Variants in SEC11A observed in about 807,000 individuals in gnomAD.
SEC11A encodes signal peptidase complex catalytic subunit SEC11A.
SEC11A carries 14 observed loss-of-function variants against 25.6 expected under a neutral mutation model. The ratio of observed to expected loss-of-function variants is 0.55; its 90% confidence interval spans 0.36 to 0.85. The LOEUF is 0.85. Among genes scored for constraint, SEC11A ranks in the 40% least tolerant of loss-of-function variants. SEC11A has a pLI of 0.01. For missense variants in SEC11A, 153 were observed against 222.9 expected (o/e 0.69, Z 2.00); for synonymous variants, 83 against 76.4 (o/e 1.09, Z -0.45).
chr15:84,715,931 C>G, intron 1 of SEC11A, 94 bp downstream of exon 1: 1 of 1,199,062 alleles, frequency 8.3e-7, no homozygotes, highest in Non-Finnish European at 1.2e-6. Flanking sequence ...CAGCTCAGAC[C>G]CTCACACCAG....
intron 1 of SEC11A, among the ~76,000 whole-genome samples, chr15:84,695,062 C>G (rs1217668995): frequency 8.1e-6 from 1 of 123,276 alleles, no homozygotes. Context: ...TGCATTCCAG[C>G]CTGGGCGACA....
intron 4 of SEC11A, among the ~76,000 whole-genome samples, chr15:84,674,797 C>A (rs1037029771): frequency 6.6e-6 from 1 of 152,142 alleles, no homozygotes; most frequent in Non-Finnish European, 1.5e-5. Flanking sequence ...TGGGCTCCAG[C>A]GGTTCTCCCA....
chr15:84,691,582 C>A lies in SEC11A; in HGVS notation c.114G>T (p.Gly38=). 6.2e-7 allele frequency: 1 copy of A among 1,613,038 alleles called. No homozygotes were observed. The highest frequency in any genetic ancestry group is 2.2e-5 in the East Asian group (1 of 44,860). Reference sequence around the variant, plus strand: ...TTTCACTTCCAGTTATTACCATTAACCCCTTCCAGATCATTAGTGCCGATG... The same window carrying A: ...TTTCACTTCCAGTTATTACCATTAAACCCTTCCAGATCATTAGTGCCGATG... ...IVSSALMIWK[G]LMVITGSESP... Residue 38 remains glycine, a synonymous_variant, in exon 2 of 6, where the codon GGG becomes GGT. Coordinates refer to ENST00000268220, the MANE Select transcript of SEC11A (RefSeq NM_014300.4).
At chr15:84,691,245 T>C (rs1196988116) in intron 2 of SEC11A, among the ~76,000 whole-genome samples, 1 of 151,952 alleles carries the variant, frequency 6.6e-6, no homozygotes, top group Non-Finnish European at 1.5e-5. Context: ...CGCTAATTTT[T>C]GTATTTTTTG....
chr15:84,708,658 T>C (rs1293518543), intron 1 of SEC11A, among the ~76,000 whole-genome samples: 1 of 151,948 alleles, frequency 6.6e-6, no homozygotes, highest in Non-Finnish European at 1.5e-5. Flanking sequence ...GTACCTGGTG[T>C]ACACCTGTAG....
At chr15:84,695,200 C>T (rs1007061275) in intron 1 of SEC11A, among the ~76,000 whole-genome samples, 5 of 149,860 alleles carry the variant, frequency 3.3e-5, no homozygotes, top group African/African-American at 9.8e-5. Context: ...CGGTGGCTCA[C>T]GCATGTAATC....
rs1897284211 is a variant in SEC11A at position 84,681,570 on chromosome 15, C to T, written c.312-738G>A. On this transcript the variant is annotated intron_variant, in intron 3 of 5. Coordinates refer to ENST00000268220, the MANE Select transcript of SEC11A (RefSeq NM_014300.4). ...ACTTGAACCCAGGAGGCGGAGGTTGCAGTGAGCCGAGATCACGCCACTGCA... is the reference window on the plus strand; with the variant it reads ...ACTTGAACCCAGGAGGCGGAGGTTGTAGTGAGCCGAGATCACGCCACTGCA... Among the ~76,000 whole-genome samples the T allele has an allele frequency of 2.0e-5, 3 of 152,226 alleles. 1 individual carries two copies. The South Asian group carries it at 6.2e-4, about 32-fold the overall frequency.
At chr15:84,675,709 G>A (rs1231767744) in intron 4 of SEC11A, among the ~76,000 whole-genome samples, 1 of 152,056 alleles carries the variant, frequency 6.6e-6, no homozygotes, top group African/African-American at 2.4e-5. Context: ...CTTTTCACCT[G>A]CTGCTTTCTA....
Position 84,695,704 on chromosome 15 carries a change from T to A in SEC11A, c.52-4060A>T, listed in dbSNP as rs142033990. On this transcript the variant is annotated intron_variant, in intron 1 of 5. Transcript: ENST00000268220. ...TTCTATTTTCTCCCTACAATTAACC[T>A]GTTTTTCCTGCATACTTTTTAAAAA... Among the ~76,000 whole-genome samples, 643 of 152,100 alleles carry A rather than the reference T, an allele frequency of 4.2e-3. 4 individuals carry two copies. The highest frequency in any genetic ancestry group is 0.015 in the African/African-American group (624 of 41,558).
At chr15:84,693,733 T>C (rs1897677476) in intron 1 of SEC11A, among the ~76,000 whole-genome samples, 2 of 152,166 alleles carry the variant, frequency 1.3e-5, no homozygotes, top group Non-Finnish European at 2.9e-5. Context: ...AGTGCTGGGA[T>C]GACAGATGTG....
At chr15:84,676,464 ATT>A (rs768514639) in intron 4 of SEC11A, among the ~76,000 whole-genome samples, 47 of 118,938 alleles carry the variant, frequency 4.0e-4, no homozygotes, top group Admixed American at 8.5e-4. Context: ...AAAAAAAAAA[ATT>A]TTTTTTTTTT....
intron 4 of SEC11A, 53 bp downstream of exon 4, chr15:84,680,660 G>A (rs1897263551): frequency 4.0e-6 from 6 of 1,500,038 alleles, no homozygotes; most frequent in Non-Finnish European, 5.4e-6. Context: ...ATGATTGAGA[G>A]GGCCACACTT....
At chr15:84,672,881 G>A (rs1183948345) in intron 4 of SEC11A, 9 of 203,822 alleles carry the variant, frequency 4.4e-5, no homozygotes, top group East Asian at 1.8e-4. Flanking sequence ...CCGCCGCCCC[G>A]TCTGGGATGT....
At chr15:84,679,410 C>G in intron 4 of SEC11A, 1 of 327,532 alleles carries the variant, frequency 3.1e-6, no homozygotes, top group Non-Finnish European at 6.3e-6. Flanking sequence ...GATACCTGTT[C>G]TGATCTGATC....
At chr15:84,673,062 G>A (rs1292436095) in intron 4 of SEC11A, 20 of 178,622 alleles carry the variant, frequency 1.1e-4, no homozygotes, top group Middle Eastern at 2.4e-3. Context: ...GAGCCCCTCC[G>A]TCCGGCAGCC....
At chr15:84,684,324 G>A (rs753486150) in intron 3 of SEC11A, among the ~76,000 whole-genome samples, 1 of 152,102 alleles carries the variant, frequency 6.6e-6, no homozygotes, top group African/African-American at 2.4e-5. Context: ...TTCCCAAGCT[G>A]TTCTCATGAT....
intron 4 of SEC11A, among the ~76,000 whole-genome samples, chr15:84,674,516 A>G (rs1376195245): frequency 1.3e-5 from 2 of 152,078 alleles, no homozygotes; most frequent in South Asian, 2.1e-4. Context: ...CTCAGCTCCC[A>G]GCAATCACAT....
At chr15:84,676,408 G>T (rs1436804581) in intron 4 of SEC11A, among the ~76,000 whole-genome samples, 1 of 151,202 alleles carries the variant, frequency 6.6e-6, no homozygotes, top group Non-Finnish European at 1.5e-5. Context: ...GGGGGTTGCC[G>T]TGATCATGCT....
At chr15:84,674,357 G>T (rs1372457684) in intron 4 of SEC11A, among the ~76,000 whole-genome samples, 1 of 151,950 alleles carries the variant, frequency 6.6e-6, no homozygotes, top group Admixed American at 6.6e-5. Flanking sequence ...TCACAGTAAA[G>T]TACAGATTAA....
Sources: gnomAD v4.1 joint callset for allele counts (sites outside exome capture counted in the v4.1 genomes callset) on GRCh38, gnomAD v4.1.1 for gene constraint, MANE v1.5 for transcripts, NCBI Gene and HGNC (gene_info 2026-07-23, HGNC 2026-07-21) for gene names.